ZNF112: variants seen among roughly 807,000 people sequenced by gnomAD.
The protein encoded by ZNF112 is zinc finger protein 112, also known as zinc finger protein 112 (Y14).
ZNF112 carries 37 observed loss-of-function variants against 77.7 expected under a neutral mutation model. The ratio of observed to expected loss-of-function variants is 0.48; its 90% CI spans 0.37 to 0.63. ZNF112 has a LOEUF of 0.63. Ranked by LOEUF, ZNF112 falls within the 20% of genes least tolerant of loss-of-function variation. The probability of loss-of-function intolerance (pLI) is 0.00; values close to 1 mark genes in which losing one functional copy is unlikely to be tolerated. For synonymous variants in ZNF112, 333 were observed against 363.6 expected (o/e 0.92, Z 0.96); for missense variants, 950 against 1,077.4 (o/e 0.88, Z 1.66).
chr19:44,341,986 C>A (rs1390063262), intron 1 of ZNF112, among the ~76,000 whole-genome samples: 1 of 148,110 alleles, frequency 6.8e-6, no homozygotes, highest in Non-Finnish European at 1.5e-5. Context: ...TGGCCCAATG[C>A]TTATCTTCCT....
At chr19:44,361,870 AG>A (rs1365165910) in intron 1 of ZNF112, among the ~76,000 whole-genome samples, 1 of 135,974 alleles carries the variant, frequency 7.4e-6, no homozygotes, top group African/African-American at 2.5e-5. Flanking sequence ...GAAACTGGGC[AG>A]GGGAAAGGAG....
intron 1 of ZNF112, among the ~76,000 whole-genome samples, chr19:44,348,779 A>G (rs1476396513): frequency 1.3e-5 from 2 of 152,142 alleles, no homozygotes; most frequent in Non-Finnish European, 2.9e-5. Context: ...TAAGAGATGC[A>G]GCTAAAGCAG....
In ZNF112 at chr19:44,327,508, A is replaced by G; in HGVS notation, c.2649T>C (p.Tyr883=). 2 of 1,613,950 alleles carry G rather than the reference A, an allele frequency of 1.2e-6. No individual in the cohort carries two copies. Among genetic ancestry groups the G allele is most frequent in the Non-Finnish European group, 1.7e-6 (2 of 1,179,920 alleles). Reference sequence around the variant, plus strand: ...AGTCCTTACCATAGTCTTCGCTTTTATAGAATTTATCACTACTATGGACTC... The same window carrying G: ...AGTCCTTACCATAGTCTTCGCTTTTGTAGAATTTATCACTACTATGGACTC... The part of the protein sequence containing the change: ...HQRVHSSDKF[Y]KSEDYGKDYP... The change falls in exon 4 of 4, where the codon TAT becomes TAC. Residue 883 remains tyrosine (Y), a synonymous_variant. Coordinates refer to ENST00000354340, the MANE Select transcript of ZNF112 (RefSeq NM_013380.4).
intron 1 of ZNF112, among the ~76,000 whole-genome samples, chr19:44,347,701 G>T (rs1970621771): frequency 6.6e-6 from 1 of 151,346 alleles, no homozygotes; most frequent in Non-Finnish European, 1.5e-5. Context: ...TGTTTCATTT[G>T]TATATACTAC....
chr19:44,353,061 C>A (rs1031219131), intron 1 of ZNF112, among the ~76,000 whole-genome samples: 3 of 152,010 alleles, frequency 2.0e-5, no homozygotes, highest in Non-Finnish European at 2.9e-5. Flanking sequence ...TTGGAAGAAT[C>A]AAACTATCCA....
At chr19:44,338,606 C>G (rs1479729661) in intron 2 of ZNF112, among the ~76,000 whole-genome samples, 7 of 152,046 alleles carry the variant, frequency 4.6e-5, no homozygotes, top group Non-Finnish European at 1.0e-4. Context: ...TAGGAATGTT[C>G]TATTAAAAAT....
chr19:44,344,715 G>A (rs1022669532), intron 1 of ZNF112, among the ~76,000 whole-genome samples: 2 of 152,204 alleles, frequency 1.3e-5, no homozygotes, highest in Non-Finnish European at 1.5e-5. Flanking sequence ...CATGATGATG[G>A]AGGATGGATG....
chr19:44,336,577 T>C, intron 3 of ZNF112, 46 bp downstream of exon 3: 2 of 1,507,824 alleles, frequency 1.3e-6, no homozygotes, highest in South Asian at 2.3e-5. Context: ...ACTCATGTTC[T>C]AGAAGGGGCT....
chr19:44,337,976 T>C (rs112908336), intron 2 of ZNF112, among the ~76,000 whole-genome samples: 21 of 104,536 alleles, frequency 2.0e-4, no homozygotes, highest in African/African-American at 7.0e-4. Context: ...ATTCCCCAGT[T>C]AAAAAAAAAA....
intron 1 of ZNF112, among the ~76,000 whole-genome samples, chr19:44,362,835 TC>T (rs1451701374): frequency 6.6e-6 from 1 of 152,180 alleles, no homozygotes; most frequent in East Asian, 1.9e-4. Flanking sequence ...ACCAGGTCGA[TC>T]TGTTTAATGT....
At chr19:44,351,408 T>A (rs1312179095) in intron 1 of ZNF112, among the ~76,000 whole-genome samples, 1 of 152,124 alleles carries the variant, frequency 6.6e-6, no homozygotes, top group East Asian at 1.9e-4. Flanking sequence ...TTAAAATCAT[T>A]TGCTTATGGA....
In ZNF112 at chr19:44,327,630, G is replaced by A; in HGVS notation, c.2527C>T (p.Gln843Ter). 1 of 1,613,846 alleles carries A rather than the reference G, an allele frequency of 6.2e-7. No homozygotes were observed. Among genetic ancestry groups the A allele is most frequent in the Non-Finnish European group, 8.5e-7 (1 of 1,179,920 alleles). ...CCTGTGTGGACTCTCTGGTGAGCCT[G>A]AAGATTTGATCTCTGACTGAAGCCC... ...GKGFSQRSNL[Q>*]AHQRVHTGEK... is the part of the protein sequence containing the mutation. The change falls in exon 4 of 4, where the codon CAG becomes TAG. Residue 843 changes from glutamine (Q) to a stop codon, truncating the protein, a stop_gained. Coordinates refer to ENST00000354340, the MANE Select transcript of ZNF112 (RefSeq NM_013380.4). LOFTEE classifies it high-confidence loss of function.
Position 44,336,663 on chromosome 19 carries a change from A to T in ZNF112, c.180T>A (p.Leu60=). 6 of 1,614,010 alleles carry T rather than the reference A, an allele frequency of 3.7e-6. No individual in the cohort carries two copies. Among genetic ancestry groups the T allele is most frequent in the Non-Finnish European group, 5.1e-6 (6 of 1,179,944 alleles). The change falls in exon 3 of 4, where the codon CTT becomes CTA. Residue 60 remains leucine (L), a synonymous_variant. Coordinates refer to ENST00000354340, the MANE Select transcript of ZNF112 (RefSeq NM_013380.4). The part of the protein sequence containing the change: ...LISQLEREEK[L]LMVETETPRD... ...TTGGGGTTTCTGTCTCCACCATCAA[A>T]AGCTTTTCTTCTCTCTCCAGCTGGG...
At chr19:44,332,689 A>G (rs944662691) in intron 3 of ZNF112, among the ~76,000 whole-genome samples, 2 of 152,198 alleles carry the variant, frequency 1.3e-5, no homozygotes, top group African/African-American at 4.8e-5. Flanking sequence ...TCAAAACCCA[A>G]TTTCTCACAA....
At chr19:44,361,207 A>T (rs1970852288), upstream of ZNF112, among the ~76,000 whole-genome samples, 1 of 152,206 alleles carries the variant, frequency 6.6e-6, no homozygotes, top group Non-Finnish European at 1.5e-5. Flanking sequence ...AGGGAATCTT[A>T]AAACTTAGGG....
chr19:44,364,584 A>G (rs998844097), intron 1 of ZNF112, among the ~76,000 whole-genome samples: 5 of 152,180 alleles, frequency 3.3e-5, no homozygotes, highest in African/African-American at 1.2e-4. Flanking sequence ...GCCAGTGGAT[A>G]CTACAGAAGC....
intron 1 of ZNF112, among the ~76,000 whole-genome samples, chr19:44,347,488 T>TA: frequency 8.7e-6 from 1 of 114,364 alleles, no homozygotes; most frequent in East Asian, 2.6e-4. Context: ...TGGGTTGATT[T>TA]TTTTTTTTTT....
chr19:44,367,170 G>A (rs1358304548), exon 1 of ZNF112: 3 of 455,768 alleles, frequency 6.6e-6, no homozygotes, highest in Non-Finnish European at 1.3e-5. Flanking sequence ...AAACATTGCT[G>A]TCTCAGGCCT....
chr19:44,335,207 G>T (rs1033003340), intron 3 of ZNF112, among the ~76,000 whole-genome samples: 2 of 152,242 alleles, frequency 1.3e-5, no homozygotes, highest in Non-Finnish European at 2.9e-5. Flanking sequence ...GCCCTGCTGG[G>T]TTTCAGATTG....
Sources: gnomAD v4.1 joint callset for allele counts (sites outside exome capture counted in the v4.1 genomes callset) on GRCh38, gnomAD v4.1.1 for gene constraint, MANE v1.5 for transcripts, NCBI Gene and HGNC (gene_info 2026-07-23, HGNC 2026-07-21) for gene names.